The following LGR4 variants were observed in gnomAD, a reference collection of about 807,000 sequenced individuals.
LGR4 encodes leucine rich repeat containing G protein-coupled receptor 4.
In LGR4, 44 loss-of-function variants were observed where a neutral mutation model predicts 84.8. That is an observed-to-expected ratio of 0.52 (90% CI 0.41 to 0.67). LGR4 has a LOEUF of 0.67. Among genes scored for constraint, LGR4 ranks in the 30% least tolerant of loss-of-function variants. The pLI is 0.00. For missense variants in LGR4, 1,032 were observed against 1,131.4 expected (o/e 0.91, Z 1.26); for synonymous variants, 429 against 434.3 (o/e 0.99, Z 0.15).
At chr11:27,434,136 T>G (rs2133424253) in intron 1 of LGR4, among the ~76,000 whole-genome samples, 1 of 152,334 alleles carries the variant, frequency 6.6e-6, no homozygotes, top group South Asian at 2.1e-4. Context: ...GCAGAATTCA[T>G]GAACCAAACA....
intron 4 of LGR4, among the ~76,000 whole-genome samples, chr11:27,389,531 A>G (rs1460891344): frequency 1.3e-5 from 2 of 152,154 alleles, no homozygotes; most frequent in African/African-American, 4.8e-5. Context: ...ATTAGAGAGA[A>G]TATTTGTATT....
chr11:27,392,304 C>G (rs1483051734), intron 3 of LGR4, 143 bp downstream of exon 3: 1 of 562,780 alleles, frequency 1.8e-6, no homozygotes, highest in East Asian at 3.1e-5. Flanking sequence ...CAAACTCTGG[C>G]CTCTCATACT....
intron 1 of LGR4, among the ~76,000 whole-genome samples, chr11:27,423,014 C>T (rs1302482323): frequency 6.6e-6 from 1 of 152,028 alleles, no homozygotes; most frequent in East Asian, 1.9e-4. Context: ...ATTTTTTTCA[C>T]TTACTGTGCA....
chr11:27,411,729 T>A (rs552929827), intron 2 of LGR4, among the ~76,000 whole-genome samples: 2 of 152,134 alleles, frequency 1.3e-5, no homozygotes, highest in African/African-American at 4.8e-5. Context: ...AGCATTATGT[T>A]TGACTAAGTA....
chr11:27,395,253 G>C (rs923977911), intron 2 of LGR4, among the ~76,000 whole-genome samples: 4 of 152,020 alleles, frequency 2.6e-5, no homozygotes, highest in African/African-American at 9.7e-5. Context: ...ACAGAGTAAG[G>C]CTGTTACAGG....
chr11:27,388,330 C>T (rs978301173), intron 4 of LGR4, among the ~76,000 whole-genome samples: 1 of 152,074 alleles, frequency 6.6e-6, no homozygotes, highest in African/African-American at 2.4e-5. Context: ...ATGATCTATT[C>T]TATTAGTATT....
chr11:27,407,641 A>G lies in LGR4; in HGVS notation c.257+5148T>C, dbSNP rs192993614. ...GAAACACAGGAACCAGATATAGTTT[A>G]TTATTCTGGATAATATCCTGGACCA... On this transcript the variant is annotated intron_variant, in intron 2 of 17. Coordinates refer to ENST00000379214, the MANE Select transcript of LGR4 (RefSeq NM_018490.5). Among the ~76,000 whole-genome samples, 126 of 152,306 alleles carry G rather than the reference A, an allele frequency of 8.3e-4. 3 individuals are homozygous for G. The highest frequency in any genetic ancestry group is 2.8e-3 in the African/African-American group (116 of 41,568).
intron 6 of LGR4, 82 bp from the exon 7 acceptor site, chr11:27,382,338 T>G (rs2133370705): frequency 5.7e-6 from 5 of 883,288 alleles, no homozygotes; most frequent in Non-Finnish European, 9.3e-6. Context: ...GACAAGTATT[T>G]TTTTAAATCA....
At chr11:27,459,542 T>A (rs1015899678) in intron 1 of LGR4, among the ~76,000 whole-genome samples, 2 of 151,656 alleles carry the variant, frequency 1.3e-5, no homozygotes, top group African/African-American at 4.8e-5. Flanking sequence ...AGTGGTGCGA[T>A]CTCGGTTCAC....
chr11:27,388,855 G>C (rs1367776911), intron 4 of LGR4, among the ~76,000 whole-genome samples: 1 of 152,004 alleles, frequency 6.6e-6, no homozygotes, highest in Non-Finnish European at 1.5e-5. Context: ...AATGTAATCT[G>C]ATGTTAAAAA....
intron 11 of LGR4, among the ~76,000 whole-genome samples, chr11:27,378,279 T>C (rs1231657811): frequency 6.6e-6 from 1 of 152,184 alleles, no homozygotes; most frequent in South Asian, 2.1e-4. Context: ...TACTTTTAGT[T>C]TCTAGGTCAG....
chr11:27,444,094 G>GA (rs5790651), intron 1 of LGR4, among the ~76,000 whole-genome samples: 66,902 of 149,056 alleles, frequency 0.45, 15,755 homozygotes, highest in South Asian at 0.56. Context: ...TGTATTTAAA[G>GA]AAAAAAAAAA....
At chr11:27,402,048 C>T (rs1863514840) in intron 2 of LGR4, among the ~76,000 whole-genome samples, 1 of 152,172 alleles carries the variant, frequency 6.6e-6, no homozygotes, top group African/African-American at 2.4e-5. Flanking sequence ...GAGAGGTACT[C>T]TGGCAGACAG....
chr11:27,420,413 G>C (rs1419607583), intron 1 of LGR4, among the ~76,000 whole-genome samples: 2 of 152,126 alleles, frequency 1.3e-5, no homozygotes, highest in African/African-American at 2.4e-5. Context: ...GTCTGAGGCA[G>C]TGAGAGGAAC....
intron 1 of LGR4, among the ~76,000 whole-genome samples, chr11:27,438,462 G>T (rs1045289355): frequency 6.6e-6 from 1 of 152,158 alleles, no homozygotes; most frequent in Non-Finnish European, 1.5e-5. Context: ...GCCAGGGATG[G>T]TGTTAAGCCT....
intron 4 of LGR4, among the ~76,000 whole-genome samples, chr11:27,389,691 C>A (rs991437534): frequency 6.6e-6 from 1 of 152,010 alleles, no homozygotes; most frequent in African/African-American, 2.4e-5. Flanking sequence ...AAAATATATT[C>A]TTAAGAAGCA....
Position 27,428,763 on chromosome 11 carries a change from C to A in LGR4, c.186-15903G>T, listed in dbSNP as rs149249689. Among the ~76,000 whole-genome samples, 548 of 151,814 alleles carry A rather than the reference C, an allele frequency of 3.6e-3. 11 individuals are homozygous for A. Among genetic ancestry groups the A allele is most frequent in the Admixed American group, 0.034 (513 of 15,272 alleles). On this transcript the variant is annotated intron_variant, in intron 1 of 17. Transcript: ENST00000379214. Reference sequence around the variant, plus strand: ...TTTCTTTCTTTTTTTTGTTTTTTTACGACATAGGCTCTTGCTATGTTGCCC... The same window carrying A: ...TTTCTTTCTTTTTTTTGTTTTTTTAAGACATAGGCTCTTGCTATGTTGCCC...
intron 1 of LGR4, among the ~76,000 whole-genome samples, chr11:27,435,977 C>G (rs1039996525): frequency 4.6e-5 from 7 of 151,070 alleles, no homozygotes; most frequent in African/African-American, 1.2e-4. Flanking sequence ...GTGGCGCGAT[C>G]TGGGGCTCAC....
chr11:27,397,372 C>A (rs920107817), intron 2 of LGR4, among the ~76,000 whole-genome samples: 1 of 152,128 alleles, frequency 6.6e-6, no homozygotes, highest in African/African-American at 2.4e-5. Context: ...CTGCTCTGAT[C>A]TTCTTCAATG....
Sources: gnomAD v4.1 joint callset for allele counts (sites outside exome capture counted in the v4.1 genomes callset) on GRCh38, gnomAD v4.1.1 for gene constraint, MANE v1.5 for transcripts, NCBI Gene and HGNC (gene_info 2026-07-23, HGNC 2026-07-21) for gene names.